Variants in GMDS observed in about 807,000 individuals in gnomAD.
GMDS encodes the protein GDP-mannose 4,6 dehydratase.
Under a neutral mutation model 49.9 loss-of-function variants are expected in GMDS, and 20 were observed. That is an observed-to-expected ratio of 0.40 (90% CI 0.28 to 0.58). GMDS has a LOEUF of 0.58. Ranked by LOEUF, GMDS falls within the 20% of genes least tolerant of loss-of-function variation. The pLI, the probability that GMDS is intolerant of heterozygous loss-of-function variation, is 0.42. For synonymous variants in GMDS, 177 were observed against 178.6 expected (o/e 0.99, Z 0.07); for missense variants, 362 against 481.4 (o/e 0.75, Z 2.32).
At chr6:2,027,314 G>C (rs1768663579) in intron 4 of GMDS, among the ~76,000 whole-genome samples, 1 of 152,198 alleles carries the variant, frequency 6.6e-6, no homozygotes, top group African/African-American at 2.4e-5. Flanking sequence ...GGAGAAAAAA[G>C]GCAGCCAGAT....
rs564584877 is a variant in GMDS, at chr6:2,038,097, C to A, written c.346-77131G>T. Among the ~76,000 whole-genome samples, 8 of 152,176 alleles carry A rather than the reference C, an allele frequency of 5.3e-5. No homozygotes were observed. In the East Asian group the frequency reaches 1.4e-3, roughly 26 times the overall value. On this transcript the variant is annotated intron_variant, in intron 4 of 10. Transcript: ENST00000380815. ...TGGTGAAAAAACTAGCTCACCAAAG[C>A]GCCCTTATAAATTAAAGCCTGAAGT...
At chr6:1,626,703 C>G (rs976638989) in intron 9 of GMDS, among the ~76,000 whole-genome samples, 4 of 152,178 alleles carry the variant, frequency 2.6e-5, no homozygotes, top group Non-Finnish European at 4.4e-5. Flanking sequence ...TGGCTGTGAA[C>G]TCATAGTCAG....
chr6:2,169,993 C>T (rs1342782616), intron 1 of GMDS, among the ~76,000 whole-genome samples: 4 of 152,130 alleles, frequency 2.6e-5, no homozygotes, highest in South Asian at 2.1e-4. Context: ...CACCTGAGGT[C>T]GGGAGTTCAC....
intron 4 of GMDS, among the ~76,000 whole-genome samples, chr6:1,995,478 C>A (rs1766219198): frequency 6.6e-6 from 1 of 150,620 alleles, no homozygotes; most frequent in Non-Finnish European, 1.5e-5. Flanking sequence ...CCACAGTATT[C>A]CATCCCTGTG....
chr6:2,118,960 TA>T (rs572138180), intron 2 of GMDS, among the ~76,000 whole-genome samples: 163 of 152,306 alleles, frequency 1.1e-3, no homozygotes, highest in South Asian at 3.5e-3. Context: ...TCTATAAACT[TA>T]ATTTTAACAA....
chr6:2,127,657 G>A (rs1052408913), intron 1 of GMDS, among the ~76,000 whole-genome samples: 8 of 152,222 alleles, frequency 5.3e-5, no homozygotes, highest in African/African-American at 1.9e-4. Context: ...GCCGCACAAT[G>A]AGTGGGAAAC....
At chr6:2,183,185 G>A (rs1778632657) in intron 1 of GMDS, among the ~76,000 whole-genome samples, 1 of 152,098 alleles carries the variant, frequency 6.6e-6, no homozygotes, top group African/African-American at 2.4e-5. Context: ...TTTAAGAAAT[G>A]CATTTTTCTT....
chr6:1,954,929 T>G (rs1424230664), intron 6 of GMDS, among the ~76,000 whole-genome samples: 5 of 152,102 alleles, frequency 3.3e-5, no homozygotes, highest in Non-Finnish European at 7.4e-5. Context: ...TCACTGTCTT[T>G]TATGGGTGCA....
Position 1,737,614 on chromosome 6 carries a change from AACACACACACAGAT to A in GMDS, c.890+4840_890+4853del, listed in dbSNP as rs1295711398. On this transcript the variant is annotated intron_variant, in intron 8 of 10. Transcript: ENST00000380815. ...ACATACACACACCACACACACCACAAACACACACACAGATACACACGCACACATACATACACATA... is the reference window on the plus strand; with the variant it reads ...ACATACACACACCACACACACCACAAACACACGCACACATACATACACATA... 7.3e-3 allele frequency among the ~76,000 whole-genome samples: 1,066 copies of A among 145,782 alleles called. 12 individuals carry two copies. The highest frequency in any genetic ancestry group is 0.027 in the African/African-American group (1,031 of 38,422).
intron 9 of GMDS, among the ~76,000 whole-genome samples, chr6:1,712,407 G>T (rs1766005126): frequency 6.6e-6 from 1 of 152,204 alleles, no homozygotes; most frequent in Non-Finnish European, 1.5e-5. Context: ...TTGAAGTGCT[G>T]TGTTCTTATC....
intron 4 of GMDS, among the ~76,000 whole-genome samples, chr6:2,086,062 A>G (rs150884641): frequency 6.6e-6 from 1 of 152,348 alleles, no homozygotes; most frequent in East Asian, 1.9e-4. Flanking sequence ...AACAATGGTC[A>G]TGCTGGGGTT....
At chr6:1,762,450 G>A (rs1411004819) in intron 7 of GMDS, among the ~76,000 whole-genome samples, 5 of 152,242 alleles carry the variant, frequency 3.3e-5, no homozygotes, top group African/African-American at 1.2e-4. Flanking sequence ...GGCCATGCTC[G>A]CACGGCGAGC....
At chr6:2,239,109 A>G (rs192421052) in intron 1 of GMDS, among the ~76,000 whole-genome samples, 394 of 152,300 alleles carry the variant, frequency 2.6e-3, no homozygotes, top group Admixed American at 6.1e-3. Context: ...TGGGCGGATG[A>G]CTTGAGGCCA....
chr6:1,921,773 T>C (rs1010813948), intron 7 of GMDS, among the ~76,000 whole-genome samples: 1 of 152,212 alleles, frequency 6.6e-6, no homozygotes, highest in Non-Finnish European at 1.5e-5. Context: ...AGAAACCACG[T>C]TCTTCTAAAT....
intron 8 of GMDS, among the ~76,000 whole-genome samples, chr6:1,738,482 C>T (rs774340423): frequency 6.6e-6 from 1 of 152,200 alleles, no homozygotes; most frequent in Admixed American, 6.5e-5. Context: ...GATGGCGACA[C>T]GTGTCAAGCC....
chr6:1,812,325 C>T (rs770253259), intron 7 of GMDS, among the ~76,000 whole-genome samples: 27 of 152,008 alleles, frequency 1.8e-4, no homozygotes, highest in African/African-American at 6.3e-4. Flanking sequence ...GTGAAGAGAG[C>T]GTGAGAAGGG....
intron 2 of GMDS, among the ~76,000 whole-genome samples, chr6:2,120,038 T>C (rs906100873): frequency 2.0e-5 from 3 of 152,198 alleles, no homozygotes; most frequent in South Asian, 4.1e-4. Flanking sequence ...AGATTTCTCT[T>C]GGAGGCAAGG....
At chr6:1,936,849 C>T (rs563643269) in intron 6 of GMDS, among the ~76,000 whole-genome samples, 87 of 151,962 alleles carry the variant, frequency 5.7e-4, no homozygotes, top group African/African-American at 2.1e-3. Context: ...AGCATATAAT[C>T]CTAGCTACTC....
chr6:2,039,955 G>A (rs996012208), intron 4 of GMDS, among the ~76,000 whole-genome samples: 4 of 152,158 alleles, frequency 2.6e-5, no homozygotes, highest in Admixed American at 1.3e-4. Context: ...AGTGCAGTAG[G>A]TTTGTTTACA....
Sources: allele counts gnomAD v4.1 joint callset (sites outside exome capture counted in the v4.1 genomes callset), GRCh38; gene constraint gnomAD v4.1.1; transcripts MANE v1.5; gene names NCBI Gene and HGNC (gene_info 2026-07-23, HGNC 2026-07-21).